The following FFAR1 variants were observed in gnomAD, a reference collection of about 807,000 sequenced individuals.
FFAR1 encodes the protein G-protein coupled receptor 40.
For synonymous variants in FFAR1, 216 were observed against 201.5 expected, an observed-to-expected ratio of 1.07 and a Z score of -0.61; for missense variants, 424 against 396.2, an observed-to-expected ratio of 1.07 and a Z score of -0.60.
chr19:35,351,928 T>G, exon 1 of FFAR1: 2 of 1,613,874 alleles, frequency 1.2e-6, no homozygotes, highest in South Asian at 2.2e-5. Flanking sequence ...TCCTGGGGGG[T>G]GTGCGCGGCC....
At chr19:35,349,038 T>C (rs978885924), upstream of FFAR1, among the ~76,000 whole-genome samples, 1 of 152,260 alleles carries the variant, frequency 6.6e-6, no homozygotes, top group East Asian at 1.9e-4. Flanking sequence ...GCCAGGAAGC[T>C]AGGGGGCCAG....
At chr19:35,351,824 T>C (rs952318388) in exon 1 of FFAR1, 12 of 1,610,024 alleles carry the variant, frequency 7.5e-6, no homozygotes, top group Admixed American at 3.4e-5. Flanking sequence ...TCCCACTCTA[T>C]GCCGGCGGGG....
At chr19:35,347,931 C>T (rs373059633), upstream of FFAR1, among the ~76,000 whole-genome samples, 8 of 150,206 alleles carry the variant, frequency 5.3e-5, no homozygotes, top group East Asian at 1.5e-3. Flanking sequence ...AGGTCCTCTG[C>T]ACCCGTTCTC....
At chr19:35,349,224 C>T (rs966004321), upstream of FFAR1, among the ~76,000 whole-genome samples, 20 of 152,296 alleles carry the variant, frequency 1.3e-4, 1 homozygote, top group South Asian at 4.1e-4. Flanking sequence ...CCAGCCAAGA[C>T]GATGTCGCAC....
At chr19:35,349,444 T>C (rs2066935414), upstream of FFAR1, among the ~76,000 whole-genome samples, 1 of 152,220 alleles carries the variant, frequency 6.6e-6, no homozygotes, top group Non-Finnish European at 1.5e-5. Context: ...TCTTCCTCCA[T>C]TCTGTCCATT....
chr19:35,351,512 G>A, upstream of FFAR1: 1 of 1,533,724 alleles, frequency 6.5e-7, no homozygotes, highest in Non-Finnish European at 8.7e-7. Context: ...CAGGGAGCCA[G>A]GTTGCACACA....
chr19:35,352,563 T>TCC, exon 1 of FFAR1: 1 of 1,233,550 alleles, frequency 8.1e-7, no homozygotes, highest in Non-Finnish European at 1.1e-6. Flanking sequence ...CCCGGAGGCC[T>TCC]CCCTGGAGCC....
chr19:35,352,499 G>A (rs1276762626), exon 1 of FFAR1: 2 of 1,529,266 alleles, frequency 1.3e-6, no homozygotes, highest in African/African-American at 2.8e-5. Context: ...GGGCCCGGCT[G>A]CTTCTCCAGG....
At chr19:35,351,596 C>G in exon 1 of FFAR1, 1 of 1,541,424 alleles carries the variant, frequency 6.5e-7, no homozygotes, top group Non-Finnish European at 8.7e-7. Context: ...ATGTGGCCGC[C>G]TTTGCGCTGG....
rs1568495635 is a variant in FFAR1, at chr19:35,351,620, C to CTTT, written c.69_70insTTT (p.Asn23_Val24insPhe). On this transcript the variant is annotated inframe_insertion, in exon 1 of 1. Transcript: ENST00000246553. The stretch of plus-strand genomic sequence containing the variant: ...CCTTTGCGCTGGGCTTCCCGCTCAA[C>CTTT]GTCCTGGCCATCCGAGGCGCGACGG... 2.6e-6 allele frequency: 4 copies of CTTT among 1,543,078 alleles called. No homozygotes were observed. The South Asian group carries it at 4.8e-5, about 18-fold the overall frequency.
chr19:35,351,759 G>T, exon 1 of FFAR1: 1 of 1,569,634 alleles, frequency 6.4e-7, no homozygotes. Context: ...GCTAGCCTCC[G>T]GGGCCTGGCC....
At chr19:35,351,569 G>T in exon 1 of FFAR1, 1 of 1,540,780 alleles carries the variant, frequency 6.5e-7, no homozygotes, top group Non-Finnish European at 8.7e-7. Flanking sequence ...TGCCCCCGCA[G>T]CTCTCCTTCG....
chr19:35,349,003 G>A (rs946134435), upstream of FFAR1, among the ~76,000 whole-genome samples: 2 of 152,260 alleles, frequency 1.3e-5, no homozygotes, highest in African/African-American at 2.4e-5. Flanking sequence ...TTGCTGAGGC[G>A]TGAAGAGCAG....
upstream of FFAR1, among the ~76,000 whole-genome samples, chr19:35,349,643 C>G (rs1244790903): frequency 6.6e-6 from 1 of 152,158 alleles, no homozygotes; most frequent in Non-Finnish European, 1.5e-5. Flanking sequence ...TGCTGTCCCC[C>G]CTGAAGCCTG....
upstream of FFAR1, among the ~76,000 whole-genome samples, chr19:35,350,000 C>A (rs2066937392): frequency 6.6e-6 from 1 of 152,180 alleles, no homozygotes; most frequent in Admixed American, 6.5e-5. Flanking sequence ...ACTTCCAGGG[C>A]TGAGAGAAGG....
exon 1 of FFAR1, chr19:35,351,903 C>T (rs956591250): frequency 2.5e-5 from 40 of 1,613,932 alleles, no homozygotes; most frequent in East Asian, 4.5e-5. Context: ...CCAAGCCTTC[C>T]GGAGGCCGTG....
upstream of FFAR1, among the ~76,000 whole-genome samples, chr19:35,349,481 A>G (rs1371683168): frequency 1.3e-5 from 2 of 152,270 alleles, no homozygotes; most frequent in Non-Finnish European, 2.9e-5. Context: ...CACACTGAAC[A>G]GTAGGAGGCC....
exon 1 of FFAR1, chr19:35,352,264 G>T (rs1208882685): frequency 6.4e-7 from 1 of 1,553,694 alleles, no homozygotes; most frequent in African/African-American, 1.4e-5. Flanking sequence ...CTCTGCGTAG[G>T]ACCCTACAAC....
At chr19:35,351,495 C>T (rs2145691708), upstream of FFAR1, 3 of 1,513,624 alleles carry the variant, frequency 2.0e-6, no homozygotes, top group East Asian at 7.4e-5. Context: ...GCCCCAAGAT[C>T]TGAGGACAGG....
Sources: allele counts gnomAD v4.1 joint callset (sites outside exome capture counted in the v4.1 genomes callset), GRCh38; gene constraint gnomAD v4.1.1; transcripts MANE v1.5; gene names NCBI Gene and HGNC (gene_info 2026-07-23, HGNC 2026-07-21).